DIPK1B: variants seen among roughly 807,000 people sequenced by gnomAD.
The protein encoded by DIPK1B is family with sequence similarity 69 member B.
Under a neutral mutation model 20.7 loss-of-function variants are expected in DIPK1B, and 17 were observed. That is an observed-to-expected ratio of 0.82 (90% CI 0.56 to 1.23). DIPK1B has a LOEUF of 1.23. DIPK1B is among the 50% of genes most tolerant of loss of function. The pLI is 0.00. For missense variants in DIPK1B, 648 were observed against 601.8 expected (o/e 1.08, Z -0.80); for synonymous variants, 343 against 276.5 (o/e 1.24, Z -2.39).
rs1309724691 is a variant in DIPK1B at position 136,717,650 on chromosome 9, T to C, written c.137T>C (p.Val46Ala). 6.2e-7 allele frequency: 1 copy of C among 1,608,336 alleles called. No homozygotes were observed. Among genetic ancestry groups the C allele is most frequent in the Non-Finnish European group, 8.5e-7 (1 of 1,179,930 alleles). ...GGCGTCTTTGCAGGCAGCTGGCTGGTGTACGTGCACTACTCGTCCTACTCG... is the reference window on the plus strand; with the variant it reads ...GGCGTCTTTGCAGGCAGCTGGCTGGCGTACGTGCACTACTCGTCCTACTCG... ...WLGVFAGSWLVYVHYSSYSER... is the reference protein window; with the variant it reads ...WLGVFAGSWLAYVHYSSYSER... Residue 46 changes from valine (V) to alanine (A), a missense_variant, in exon 2 of 5, where the codon GTG (valine) becomes GCG (alanine). Physicochemically the swap from Val to Ala is moderately conservative, Grantham distance 64 (BLOSUM62 0). Coordinates refer to ENST00000371692, the MANE Select transcript of DIPK1B (RefSeq NM_152421.4).
intron 2 of DIPK1B, among the ~76,000 whole-genome samples, chr9:136,718,085 G>A (rs887195542): frequency 6.6e-6 from 1 of 151,948 alleles, no homozygotes; most frequent in Non-Finnish European, 1.5e-5. Context: ...CCCGTGTGGT[G>A]TCCTCACTGG....
chr9:136,722,905 C>T (rs1315955284), intron 4 of DIPK1B, 57 bp from the exon 5 acceptor site: 27 of 1,500,202 alleles, frequency 1.8e-5, no homozygotes, highest in Middle Eastern at 1.8e-4. Flanking sequence ...AAGGCCAGGT[C>T]GTGCTCCCAG....
chr9:136,723,620 C>T lies in DIPK1B; in HGVS notation c.1142C>T (p.Ala381Val), dbSNP rs377215519. ...ALLRGYLLPG[A>V]PADLREELGT... ...CTACGGGGCTACCTGCTGCCTGGCG[C>T]GCCCGCCGACCTCCGCGAGGAGCTG... is the stretch of plus-strand genomic sequence containing the variant. The change falls in exon 5 of 5, where the codon GCG becomes GTG. Residue 381 changes from alanine to valine, a missense_variant. Coordinates refer to ENST00000371692, the MANE Select transcript of DIPK1B (RefSeq NM_152421.4). The T allele has an allele frequency of 2.1e-5, 33 of 1,578,968 alleles. No individual in the cohort carries two copies. Among genetic ancestry groups the T allele is most frequent in the South Asian group, 3.4e-5 (3 of 86,962 alleles).
At position 136,724,667 on chromosome 9, in the gene DIPK1B, AT is replaced by A. The variant is rs1165671618; in HGVS notation, c.*894del. The A allele has an allele frequency of 6.6e-6, 1 of 152,258 alleles. No homozygotes were observed. The highest frequency in any genetic ancestry group is 2.4e-5 in the African/African-American group (1 of 41,478). 9.4% of individuals were successfully genotyped at this position (152,258 alleles called of 1,614,324 possible). ...TATCCTTAAAGAAATGTGCATTTAA[AT>A]CTTTTAATTCACTTCATCCTGTATT... On this transcript the variant is annotated 3_prime_UTR_variant, in exon 5 of 5. Transcript: ENST00000371692.
In DIPK1B at chr9:136,723,236, C is replaced by T. The variant is rs752809099; in HGVS notation, c.758C>T (p.Pro253Leu). 16 of 1,612,204 alleles carry T rather than the reference C, an allele frequency of 9.9e-6. No individual in the cohort carries two copies. Among genetic ancestry groups the T allele is most frequent in the East Asian group, 4.5e-5 (2 of 44,874 alleles). The change falls in exon 5 of 5, where the codon CCG (proline) becomes CTG (leucine). Residue 253 changes from proline to leucine, a missense_variant. Transcript: ENST00000371692. ...ALPPLLRPLLPPALQGALQQW... is the reference protein window; with the variant it reads ...ALPPLLRPLLLPALQGALQQW... ...CCACCCCTGTTGCGCCCACTGCTGCCGCCTGCCCTGCAGGGTGCTCTCCAG... is the reference window on the plus strand; with the variant it reads ...CCACCCCTGTTGCGCCCACTGCTGCTGCCTGCCCTGCAGGGTGCTCTCCAG...
intron 1 of DIPK1B, among the ~76,000 whole-genome samples, chr9:136,716,253 T>C (rs1429016495): frequency 6.6e-6 from 1 of 150,886 alleles, no homozygotes; most frequent in Non-Finnish European, 1.5e-5. Context: ...CATCGGTGTC[T>C]GAGTCTGTGT....
intron 2 of DIPK1B, among the ~76,000 whole-genome samples, chr9:136,718,552 G>C (rs1022059392): frequency 6.6e-6 from 1 of 152,172 alleles, no homozygotes; most frequent in Non-Finnish European, 1.5e-5. Context: ...CCCTAGACTC[G>C]CCCAGAACTG....
At chr9:136,718,944 G>A (rs919543995) in intron 2 of DIPK1B, among the ~76,000 whole-genome samples, 5 of 152,160 alleles carry the variant, frequency 3.3e-5, no homozygotes, top group Non-Finnish European at 5.9e-5. Context: ...TGCCAGCCCA[G>A]GGGAGGCCTC....
At chr9:136,722,889 C>A in intron 4 of DIPK1B, 73 bp from the exon 5 acceptor site, 3 of 1,442,050 alleles carry the variant, frequency 2.1e-6, no homozygotes, top group Non-Finnish European at 2.8e-6. Context: ...CCAGGAGGAC[C>A]AGGTAAAGGC....
chr9:136,717,396 C>G (rs1846513624), intron 1 of DIPK1B, among the ~76,000 whole-genome samples, 181 bp from the exon 2 acceptor site: 1 of 152,170 alleles, frequency 6.6e-6, no homozygotes, highest in African/African-American at 2.4e-5. Context: ...AGAGGCAGAG[C>G]CAGGAGTGGG....
intron 3 of DIPK1B, 34 bp from the exon 4 acceptor site, chr9:136,722,091 T>G (rs1388274753): frequency 1.2e-6 from 2 of 1,613,312 alleles, no homozygotes; most frequent in Non-Finnish European, 1.7e-6. Context: ...GGGAGGGGGA[T>G]GTCTGCACGG....
chr9:136,723,197 A>T lies in DIPK1B; in HGVS notation c.719A>T (p.His240Leu). Residue 240 changes from histidine (H) to leucine (L), a missense_variant, in exon 5 of 5, where the codon CAC (histidine) becomes CTC (leucine). Coordinates refer to ENST00000371692, the MANE Select transcript of DIPK1B (RefSeq NM_152421.4). ...LTEGVPHGAW[H>L]AAALPPLLRP... ...GAGGGCGTGCCGCATGGCGCCTGGC[A>T]CGCGGCCGCCCTTCCACCCCTGTTG... 6.2e-7 allele frequency: 1 copy of T among 1,612,562 alleles called. No homozygotes were observed.
At chr9:136,718,093 TG>T (rs1846527360) in intron 2 of DIPK1B, among the ~76,000 whole-genome samples, 1 of 151,602 alleles carries the variant, frequency 6.6e-6, no homozygotes, top group African/African-American at 2.4e-5. Flanking sequence ...GTGTCCTCAC[TG>T]GATGGGATAG....
Position 136,723,781 on chromosome 9 carries a change from A to G in DIPK1B, c.*7A>G. On this transcript the variant is annotated 3_prime_UTR_variant, in exon 5 of 5. Transcript: ENST00000371692. ...CAACACCAAGTACTCTTGATGGGGC[A>G]GTGAGGGGCCTGGCCACCCTTCCTG... The G allele has an allele frequency of 1.3e-6, 2 of 1,533,128 alleles. No individual in the cohort carries two copies. The highest frequency in any genetic ancestry group is 1.7e-6 in the Non-Finnish European group (2 of 1,145,988). The allele number at this position is 1,533,128 out of a possible 1,614,324, so 95.0% of individuals were successfully genotyped here.
chr9:136,723,615 T>C lies in DIPK1B; in HGVS notation c.1137T>C (p.Pro379=), dbSNP rs1291346358. 2 of 1,582,422 alleles carry C rather than the reference T, an allele frequency of 1.3e-6. No homozygotes were observed. The highest frequency in any genetic ancestry group is 1.1e-5 in the South Asian group (1 of 87,282). ...VCALLRGYLL[P]GAPADLREEL... ...CACTGCTACGGGGCTACCTGCTGCC[T>C]GGCGCGCCCGCCGACCTCCGCGAGG... is the stretch of plus-strand genomic sequence containing the variant. Residue 379 remains proline, a synonymous_variant, in exon 5 of 5, where the codon CCT becomes CCC. Transcript: ENST00000371692.
Position 136,724,149 on chromosome 9 carries a change from T to G in DIPK1B, c.*375T>G. The G allele has an allele frequency of 8.0e-6, 2 of 251,012 alleles. No homozygotes were observed. Among genetic ancestry groups the G allele is most frequent in the Non-Finnish European group, 7.8e-6 (1 of 127,452 alleles). The allele number at this position is 251,012 out of a possible 1,614,324, so 15.5% of individuals were successfully genotyped here. On this transcript the variant is annotated 3_prime_UTR_variant, in exon 5 of 5. Coordinates refer to ENST00000371692, the MANE Select transcript of DIPK1B (RefSeq NM_152421.4). ...AGGCTGGGGTTGAGCCCCTGAATCC[T>G]TCCTGGCGAGGCAGCCCTCAGGTGT...
chr9:136,717,151 C>T (rs1054960032), intron 1 of DIPK1B, among the ~76,000 whole-genome samples: 7 of 151,902 alleles, frequency 4.6e-5, no homozygotes, highest in African/African-American at 1.7e-4. Context: ...ATCACTTGAA[C>T]CCGGGAGGCA....
intron 1 of DIPK1B, among the ~76,000 whole-genome samples, chr9:136,713,684 A>G (rs370899845): frequency 1.3e-5 from 2 of 152,294 alleles, no homozygotes; most frequent in East Asian, 1.9e-4. Flanking sequence ...CCCCGAGGAA[A>G]GGCCTCGACC....
chr9:136,721,635 T>TGC, intron 2 of DIPK1B: 1 of 422,982 alleles, frequency 2.4e-6, no homozygotes, highest in Non-Finnish European at 4.4e-6. Context: ...GTGGTGTGTG[T>TGC]CTCATGTCCA....
Sources: gnomAD v4.1 joint callset for allele counts (sites outside exome capture counted in the v4.1 genomes callset) on GRCh38, gnomAD v4.1.1 for gene constraint, MANE v1.5 for transcripts, NCBI Gene and HGNC (gene_info 2026-07-23, HGNC 2026-07-21) for gene names.